Variants in GREB1 observed in about 807,000 individuals in gnomAD.
GREB1 encodes the protein growth regulating estrogen receptor binding 1.
Under a neutral mutation model 200.7 loss-of-function variants are expected in GREB1, and 106 were observed. The observed-to-expected ratio is 0.53, with a 90% CI of 0.45 to 0.62. GREB1 has a LOEUF of 0.62. GREB1 is among the 20% of genes least tolerant of loss of function. The pLI is 0.00. For missense variants in GREB1, 2,243 were observed against 2,556.8 expected (o/e 0.88, Z 2.65); for synonymous variants, 1,132 against 1,092.4 (o/e 1.04, Z -0.72).
At chr2:11,530,103 G>C (rs935132922), upstream of GREB1, among the ~76,000 whole-genome samples, 1 of 151,392 alleles carries the variant, frequency 6.6e-6, no homozygotes, top group South Asian at 2.1e-4. Context: ...TGTTGTCTAG[G>C]CTGGATGGAG....
intron 1 of GREB1, among the ~76,000 whole-genome samples, chr2:11,496,337 C>T (rs914913500): frequency 6.6e-6 from 1 of 152,164 alleles, no homozygotes. Flanking sequence ...AGGATGTGAA[C>T]CCTCTCGGTT....
At chr2:11,528,346 C>G (rs1673954793) in intron 1 of GREB1, among the ~76,000 whole-genome samples, 1 of 152,200 alleles carries the variant, frequency 6.6e-6, no homozygotes, top group South Asian at 2.1e-4. Flanking sequence ...TGCAAATACC[C>G]TCGTTGAAAG....
intron 14 of GREB1, 127 bp downstream of exon 14, chr2:11,598,105 G>C: frequency 3.8e-6 from 3 of 781,508 alleles, no homozygotes; most frequent in Non-Finnish European, 2.2e-6. Context: ...TTGTTTTATA[G>C]ATTGTGAAAC....
At chr2:11,583,713 G>T (rs1219413620) in intron 7 of GREB1, among the ~76,000 whole-genome samples, 1 of 152,046 alleles carries the variant, frequency 6.6e-6, no homozygotes, top group Admixed American at 6.6e-5. Context: ...ACAAAAATTG[G>T]CCGGGTGTGG....
intron 1 of GREB1, among the ~76,000 whole-genome samples, chr2:11,506,759 G>A (rs1673192273): frequency 6.6e-6 from 1 of 152,302 alleles, no homozygotes; most frequent in Admixed American, 6.5e-5. Context: ...TGGAGCAGCA[G>A]AGCAGCGTGG....
At chr2:11,486,674 C>A (rs1005892635) in intron 1 of GREB1, among the ~76,000 whole-genome samples, 1 of 151,888 alleles carries the variant, frequency 6.6e-6, no homozygotes, top group African/African-American at 2.4e-5. Context: ...TCGAGACTAG[C>A]CTGGCTAATG....
intron 1 of GREB1, among the ~76,000 whole-genome samples, chr2:11,511,278 C>T (rs1174525998): frequency 6.6e-6 from 1 of 152,174 alleles, no homozygotes; most frequent in East Asian, 1.9e-4. Context: ...GCTACACAAT[C>T]ATCCCCATTT....
intron 1 of GREB1, among the ~76,000 whole-genome samples, chr2:11,534,658 G>C (rs1165526459): frequency 6.6e-6 from 1 of 152,178 alleles, no homozygotes; most frequent in Non-Finnish European, 1.5e-5. Flanking sequence ...GAGTGGCTCA[G>C]TGATTGGGTT....
At chr2:11,582,287 C>T (rs759782688) in intron 7 of GREB1, among the ~76,000 whole-genome samples, 3 of 152,172 alleles carry the variant, frequency 2.0e-5, no homozygotes, top group South Asian at 2.1e-4. Context: ...TGCCATGCTC[C>T]GTGGAGGGGT....
chr2:11,486,916 A>G (rs571877760), intron 1 of GREB1, among the ~76,000 whole-genome samples: 24 of 152,098 alleles, frequency 1.6e-4, no homozygotes, highest in Non-Finnish European at 3.1e-4. Flanking sequence ...TATGATTTAG[A>G]TATAGTTACT....
chr2:11,504,640 G>C (rs1449443902), intron 1 of GREB1, among the ~76,000 whole-genome samples: 2 of 152,192 alleles, frequency 1.3e-5, no homozygotes. Context: ...CTTTCACCTA[G>C]TGTAATGTTT....
intron 1 of GREB1, among the ~76,000 whole-genome samples, chr2:11,552,550 G>A (rs1203254641): frequency 1.3e-5 from 2 of 152,160 alleles, no homozygotes; most frequent in African/African-American, 4.8e-5. Flanking sequence ...GATTCCAGTG[G>A]GTCAGAGAGC....
intron 1 of GREB1, among the ~76,000 whole-genome samples, chr2:11,522,243 G>A (rs75775764): frequency 0.052 from 7,943 of 152,090 alleles, 258 homozygotes; most frequent in East Asian, 0.13. Flanking sequence ...ACCCATTTAT[G>A]CCTAGTGTTC....
intron 19 of GREB1, among the ~76,000 whole-genome samples, chr2:11,613,030 C>T (rs1180816262): frequency 6.6e-6 from 1 of 152,222 alleles, no homozygotes; most frequent in East Asian, 1.9e-4. Context: ...GCCGCAATGC[C>T]TGGGCCCTCC....
intron 9 of GREB1, among the ~76,000 whole-genome samples, chr2:11,586,767 A>G (rs1680145121): frequency 6.6e-6 from 1 of 152,232 alleles, no homozygotes; most frequent in African/African-American, 2.4e-5. Flanking sequence ...CCTAAAACAC[A>G]AAAACTGGAC....
At chr2:11,607,539 T>C (rs949998015) in intron 17 of GREB1, among the ~76,000 whole-genome samples, 2,583 of 136,782 alleles carry the variant, frequency 0.019, 89 homozygotes, top group African/African-American at 0.07. Flanking sequence ...CACATATATA[T>C]ACATATATGT....
Position 11,576,417 on chromosome 2 carries a change from T to C in GREB1, c.519T>C (p.Asn173=), listed in dbSNP as rs368537859. ...TCTGTTACTTCACGGAATTCTCCAA[T>C]CATATAAATCTGAAACTGACCACTC... ...KGFCYFTEFS[N]HINLKLTTQP... Residue 173 remains asparagine, a synonymous_variant, in exon 5 of 33, where the codon AAT becomes AAC. Transcript: ENST00000381486. The C allele has an allele frequency of 6.2e-7, 1 of 1,614,002 alleles. No homozygotes were observed. The highest frequency in any genetic ancestry group is 1.1e-5 in the South Asian group (1 of 91,076).
intron 22 of GREB1, 101 bp downstream of exon 22, chr2:11,619,020 T>C (rs2148359005): frequency 8.8e-7 from 1 of 1,130,648 alleles, no homozygotes. Context: ...ACGTCTTCAC[T>C]TTTCACCCTT....
intron 5 of GREB1, 29 bp downstream of exon 5, chr2:11,576,564 G>GGAGGAGGCTGTGGAGGAGGCTGT: frequency 6.3e-7 from 1 of 1,579,906 alleles, no homozygotes; most frequent in Non-Finnish European, 8.7e-7. Context: ...GAGGAGGTAT[G>GGAGGAGGCTGTGGAGGAGGCTGT]GGAGTGCTGG....
Sources: allele counts gnomAD v4.1 joint callset (sites outside exome capture counted in the v4.1 genomes callset), GRCh38; gene constraint gnomAD v4.1.1; transcripts MANE v1.5; gene names NCBI Gene and HGNC (gene_info 2026-07-23, HGNC 2026-07-21).